The following MAP2K2 variants were observed in gnomAD, a reference collection of about 807,000 sequenced individuals.
MAP2K2 encodes mitogen-activated protein kinase kinase 2.
MAP2K2 carries 24 observed loss-of-function variants against 43.7 expected under a neutral mutation model. The observed-to-expected ratio is 0.55, with a 90% CI of 0.40 to 0.77. The LOEUF is 0.77. Ranked by LOEUF, MAP2K2 falls within the 30% of genes least tolerant of loss-of-function variation. MAP2K2 has a pLI of 0.00. For missense variants in MAP2K2, 470 were observed against 566.8 expected, an observed-to-expected ratio of 0.83 and a Z score of 1.73; for synonymous variants, 244 against 239.7, an observed-to-expected ratio of 1.02 and a Z score of -0.17.
At chr19:4,100,428 T>TGAAAAAA (rs1568253174) in intron 6 of MAP2K2, 3 of 21,494 alleles carry the variant, frequency 1.4e-4, no homozygotes, top group African/African-American at 7.1e-4. Context: ...AGACTCTGTC[T>TGAAAAAA]CAAAAAAAAA....
At chr19:4,110,309 A>G (rs990301778) in intron 3 of MAP2K2, among the ~76,000 whole-genome samples, 200 bp downstream of exon 3, 1 of 152,118 alleles carries the variant, frequency 6.6e-6, no homozygotes, top group East Asian at 1.9e-4. Flanking sequence ...TGCCTCTCAA[A>G]AAAACAAAAA....
chr19:4,092,917 T>G (rs1040454093), intron 10 of MAP2K2, among the ~76,000 whole-genome samples: 1 of 151,952 alleles, frequency 6.6e-6, no homozygotes, highest in Admixed American at 6.6e-5. Context: ...TAAAAAAAAC[T>G]AGCTGGGCAG....
chr19:4,105,956 C>T (rs1249026525), intron 3 of MAP2K2, among the ~76,000 whole-genome samples: 2 of 152,136 alleles, frequency 1.3e-5, no homozygotes, highest in Admixed American at 6.5e-5. Flanking sequence ...AGCACCTGGC[C>T]CCCGCATCTT....
chr19:4,112,976 T>C (rs561700577), intron 2 of MAP2K2, among the ~76,000 whole-genome samples: 2 of 152,178 alleles, frequency 1.3e-5, no homozygotes, highest in African/African-American at 2.4e-5. Flanking sequence ...GTGTTTTCCA[T>C]GTTCAGCACG....
At chr19:4,119,921 G>A (rs74699255) in intron 1 of MAP2K2, among the ~76,000 whole-genome samples, 3,226 of 152,380 alleles carry the variant, frequency 0.021, 45 homozygotes, top group Non-Finnish European at 0.032. Flanking sequence ...TGGAAGTGGC[G>A]TAAGCCACGG....
chr19:4,100,072 CT>C (rs1377591098), intron 6 of MAP2K2: 1 of 152,990 alleles, frequency 6.5e-6, no homozygotes, highest in Non-Finnish European at 1.5e-5. Flanking sequence ...TGGTGAAACC[CT>C]GTCTCTACTA....
chr19:4,109,451 T>C (rs2041128353), intron 3 of MAP2K2, among the ~76,000 whole-genome samples: 1 of 152,194 alleles, frequency 6.6e-6, no homozygotes. Flanking sequence ...AGCTTTGTTA[T>C]GTTTTGAGAC....
chr19:4,094,415 G>A, intron 10 of MAP2K2, 38 bp downstream of exon 10: 1 of 1,548,798 alleles, frequency 6.5e-7, no homozygotes, highest in Non-Finnish European at 8.7e-7. Context: ...GTGGCAGCCT[G>A]CACCCTCCCG....
At chr19:4,118,857 G>A (rs2041259859) in intron 1 of MAP2K2, among the ~76,000 whole-genome samples, 1 of 152,238 alleles carries the variant, frequency 6.6e-6, no homozygotes, top group African/African-American at 2.4e-5. Flanking sequence ...GGAATCTTCA[G>A]AGGAAATTTC....
rs775901437 is a variant in MAP2K2, at chr19:4,099,212, CGCCCGGGGG to C, written c.899_907del (p.Pro300_Gly302del). 8 of 1,602,488 alleles carry C rather than the reference CGCCCGGGGG, an allele frequency of 5.0e-6. No homozygotes were observed. The highest frequency in any genetic ancestry group is 1.7e-6 in the Non-Finnish European group (2 of 1,175,526). ...GATTCAGGCCGTACCGCTGACGGGG[CGCCCGGGGG>C]GCCTCGGCCGAGGCGAGATGCTGTG... On this transcript the variant is annotated inframe_deletion, in exon 7 of 11. Coordinates refer to ENST00000262948, the MANE Select transcript of MAP2K2 (RefSeq NM_030662.4).
At chr19:4,102,797 C>T (rs2041033329) in intron 3 of MAP2K2, 2 of 1,245,544 alleles carry the variant, frequency 1.6e-6, no homozygotes, top group African/African-American at 1.5e-5. Context: ...GCTGTGGGGC[C>T]CGCACTCCCT....
intron 1 of MAP2K2, 65 bp downstream of exon 1, chr19:4,123,719 C>T: frequency 7.6e-7 from 1 of 1,322,836 alleles, no homozygotes; most frequent in Non-Finnish European, 1.0e-6. Context: ...CCCCTCGCCC[C>T]GTCCTTCCCC....
At chr19:4,106,592 T>C (rs1020882431) in intron 3 of MAP2K2, among the ~76,000 whole-genome samples, 3 of 151,982 alleles carry the variant, frequency 2.0e-5, no homozygotes, top group African/African-American at 7.2e-5. Flanking sequence ...ATTTTTAGTA[T>C]AGATGGGGTT....
At chr19:4,094,384 G>A in intron 10 of MAP2K2, 69 bp downstream of exon 10, 1 of 1,502,836 alleles carries the variant, frequency 6.7e-7, no homozygotes, top group Non-Finnish European at 9.1e-7. Flanking sequence ...AGGCCCAGCA[G>A]CCTTATTTCC....
rs201581427 is a variant in MAP2K2, at chr19:4,117,562, G to A, written c.160C>T (p.Leu54=). 1 of 1,614,182 alleles carries A rather than the reference G, an allele frequency of 6.2e-7. No individual in the cohort carries two copies. The highest frequency in any genetic ancestry group is 1.3e-5 in the African/African-American group (1 of 75,072). ...LELDEQQKKR[L]EAFLTQKAKV... ...GCTTTCTGGGTGAGAAAGGCTTCCA[G>A]CCGCTTCTTCTGCTGCTCGTCAAGT... is the stretch of plus-strand genomic sequence containing the variant. Residue 54 remains leucine, a synonymous_variant, in exon 2 of 11, where the codon CTG becomes TTG. Coordinates refer to ENST00000262948, the MANE Select transcript of MAP2K2 (RefSeq NM_030662.4).
chr19:4,090,426 G>A lies in MAP2K2; in HGVS notation c.*172C>T, dbSNP rs1365384657. On this transcript the variant is annotated 3_prime_UTR_variant, in exon 11 of 11. Coordinates refer to ENST00000262948, the MANE Select transcript of MAP2K2 (RefSeq NM_030662.4). ...CCCAGAGGCACCCCGGCCAGGACGG[G>A]CAGGAGAGGAGACCCCCGTTCCTGC... is the stretch of plus-strand genomic sequence containing the variant. The A allele has an allele frequency of 3.0e-6, 2 of 661,046 alleles. No homozygotes were observed. Among genetic ancestry groups the A allele is most frequent in the Non-Finnish European group, 5.5e-6 (2 of 365,058 alleles). The allele number at this position is 661,046 out of a possible 1,614,324, so 40.9% of individuals were successfully genotyped here.
chr19:4,090,578 C>T lies in MAP2K2; in HGVS notation c.*20G>A, dbSNP rs377441764. 243 of 1,541,368 alleles carry T rather than the reference C, an allele frequency of 1.6e-4. No homozygotes were observed. The highest frequency in any genetic ancestry group is 1.9e-4 in the Non-Finnish European group (220 of 1,139,824). ...GACGGTGGGCAGGTCACCAGCGGGA[C>T]GCAGGGAGCCCGGCCACTGTCACAC... On this transcript the variant is annotated 3_prime_UTR_variant, in exon 11 of 11. Coordinates refer to ENST00000262948, the MANE Select transcript of MAP2K2 (RefSeq NM_030662.4).
intron 10 of MAP2K2, among the ~76,000 whole-genome samples, chr19:4,091,612 C>G (rs1023225254): frequency 6.6e-6 from 1 of 151,664 alleles, no homozygotes; most frequent in African/African-American, 2.4e-5. Flanking sequence ...CTCAGCTTCC[C>G]GAAGTGCTGG....
Position 4,097,217 on chromosome 19 carries a change from AAAAAAAAAAAAGAAAG to A in MAP2K2, c.984+46_984+61del, listed in dbSNP as rs2040930875. On this transcript the variant is annotated intron_variant, in intron 8 of 10. Coordinates refer to ENST00000262948, the MANE Select transcript of MAP2K2 (RefSeq NM_030662.4). ...GAGAGACTCTGCCTAAAAAAAAAAA[AAAAAAAAAAAAGAAAG>A]AAGAAAGAAAAGGAAAAGAAAAGCC... The A allele has an allele frequency of 7.5e-5, 90 of 1,193,666 alleles. No homozygotes were observed. In the South Asian group the frequency reaches 1.3e-3, roughly 17 times the overall value. 73.9% of individuals were successfully genotyped at this position (1,193,666 alleles called of 1,614,324 possible).
Sources: allele counts gnomAD v4.1 joint callset (sites outside exome capture counted in the v4.1 genomes callset), GRCh38; gene constraint gnomAD v4.1.1; transcripts MANE v1.5; gene names NCBI Gene and HGNC (gene_info 2026-07-23, HGNC 2026-07-21).